Variants in E2F8 observed in about 807,000 individuals in gnomAD.
E2F8 encodes the protein E2F transcription factor 8.
Under a neutral mutation model 80.8 loss-of-function variants are expected in E2F8, and 35 were observed. The ratio of observed to expected loss-of-function variants is 0.43; its 90% CI spans 0.33 to 0.57. The LOEUF is 0.57. E2F8 is among the 20% of genes least tolerant of loss of function. The pLI, the probability that E2F8 is intolerant of heterozygous loss-of-function variation, is 0.04. For synonymous variants in E2F8, 386 were observed against 395.0 expected, an observed-to-expected ratio of 0.98 and a Z score of 0.27; for missense variants, 975 against 1,056.2, an observed-to-expected ratio of 0.92 and a Z score of 1.07.
At position 19,229,436 on chromosome 11, in the gene E2F8, G is replaced by C; in HGVS notation, c.1893+18C>G. The C allele has an allele frequency of 6.2e-7, 1 of 1,600,704 alleles. No homozygotes were observed. The highest frequency in any genetic ancestry group is 8.5e-7 in the Non-Finnish European group (1 of 1,173,854). ...TAGGGAATTCCTAAAGCTTTGTGCAGTTCAAGGCTGTACTTACTGCGGAGA... is the reference window on the plus strand; with the variant it reads ...TAGGGAATTCCTAAAGCTTTGTGCACTTCAAGGCTGTACTTACTGCGGAGA... On this transcript the variant is annotated intron_variant, in intron 10 of 12. Coordinates refer to ENST00000250024, the MANE Select transcript of E2F8 (RefSeq NM_024680.4). This position sits in a 1 kb window ranked among gnomAD's most constrained non-coding sequence, Gnocchi z 4.3.
rs924165322 is a variant in E2F8 at position 19,237,981 on chromosome 11, G to C, written c.167C>G (p.Pro56Arg). The change falls in exon 3 of 13, where the codon CCG (proline) becomes CGG (arginine). Residue 56 changes from proline (P) to arginine (R), a missense_variant. Physicochemically the swap from Pro to Arg is moderately radical, Grantham distance 103. Coordinates refer to ENST00000250024, the MANE Select transcript of E2F8 (RefSeq NM_024680.4). ...TTTCAGGTTGGCTGTCGGTGTCCAC[G>C]GCTCTCCCTGAGAGCCTTCCTTGGG... ...TKPKEGSQGE[P>R]WTPTANLKML... 1.2e-6 allele frequency: 2 copies of C among 1,614,144 alleles called. No homozygotes were observed. Among genetic ancestry groups the C allele is most frequent in the African/African-American group, 1.3e-5 (1 of 75,028 alleles).
intron 10 of E2F8, chr11:19,226,138 G>T (rs2133554155): frequency 2.4e-6 from 1 of 410,106 alleles, no homozygotes; most frequent in Non-Finnish European, 4.4e-6. Context: ...CTGCTTAGGG[G>T]TAAGGATTCA....
At chr11:19,225,926 GC>G in intron 10 of E2F8, 62 bp from the exon 11 acceptor site, 1 of 1,560,432 alleles carries the variant, frequency 6.4e-7, no homozygotes, top group Non-Finnish European at 8.7e-7. Flanking sequence ...ATGGCCACGT[GC>G]CTCTTTCAGG....
In E2F8 at chr11:19,225,095, T is replaced by G. The variant is rs1395321092; in HGVS notation, c.2421+126A>C. ...TGGGTTCTGGAAGAAACATAGGCCT[T>G]CAATCTCCTGACTTTCCCATCCTTT... On this transcript the variant is annotated intron_variant, in intron 12 of 12. Coordinates refer to ENST00000250024, the MANE Select transcript of E2F8 (RefSeq NM_024680.4). 2.9e-6 allele frequency: 4 copies of G among 1,386,586 alleles called. No homozygotes were observed. The African/African-American group carries it at 5.8e-5, about 20-fold the overall frequency. The allele number at this position is 1,386,586 out of a possible 1,614,324, so 85.9% of individuals were successfully genotyped here.
rs200475963 is a variant in E2F8, at chr11:19,224,493, G to GTATATA, written c.*164_*165insTATATA. 2 of 504,752 alleles carry GTATATA rather than the reference G, an allele frequency of 4.0e-6. No individual in the cohort carries two copies. The highest frequency in any genetic ancestry group is 6.9e-6 in the Non-Finnish European group (2 of 287,816). The allele number at this position is 504,752 out of a possible 1,614,324, so 31.3% of individuals were successfully genotyped here. A position where few individuals can be genotyped will look rare whatever the true frequency, so the allele number is the denominator to read the frequency against. ...TATGTGTGTGTGTGTGTGTGTGTGT[G>GTATATA]TGTGTATATATATATATGTATGAAA... On this transcript the variant is annotated 3_prime_UTR_variant, in exon 13 of 13. Transcript: ENST00000250024.
rs1851635248 is a variant in E2F8, at chr11:19,240,633, C to T, written c.-195G>A. The T allele has an allele frequency of 6.6e-6, 1 of 152,376 alleles. No homozygotes were observed. The highest frequency in any genetic ancestry group is 1.5e-5 in the Non-Finnish European group (1 of 68,158). The allele number at this position is 152,376 out of a possible 1,614,324, so 9.4% of individuals were successfully genotyped here. A position where few individuals can be genotyped will look rare whatever the true frequency, so the allele number is the denominator to read the frequency against. On this transcript the variant is annotated 5_prime_UTR_variant, in exon 1 of 13. Coordinates refer to ENST00000250024, the MANE Select transcript of E2F8 (RefSeq NM_024680.4). ...CGACCCCAAGTAACTGGGTACAAGT[C>T]TGCATCTAGATGCCTGGATTTCTCC...
At chr11:19,240,084 T>A in intron 2 of E2F8, 23 bp downstream of exon 2, 1 of 1,504,494 alleles carries the variant, frequency 6.6e-7, no homozygotes, top group Non-Finnish European at 8.9e-7. Flanking sequence ...ATTGCAATGA[T>A]GAATACTGAA....
intron 2 of E2F8, 83 bp downstream of exon 2, chr11:19,240,024 T>C (rs1392730847): frequency 8.6e-7 from 1 of 1,167,184 alleles, no homozygotes; most frequent in Non-Finnish European, 1.2e-6. Context: ...AGAAAACACA[T>C]TGGATAGGGA....
Position 19,240,140 on chromosome 11 carries a change from A to G in E2F8, c.-19T>C. ...TCTCCATTCTGTAAATTCCTCATAC[A>G]TTTAGAGTTTAAAAATGAAAAATCT... On this transcript the variant is annotated 5_prime_UTR_variant, in exon 2 of 13. The change abolishes an upstream ATG in the 5' untranslated region. Transcript: ENST00000250024. 1 of 1,492,426 alleles carries G rather than the reference A, an allele frequency of 6.7e-7. No homozygotes were observed. The highest frequency in any genetic ancestry group is 9.0e-7 in the Non-Finnish European group (1 of 1,112,262). 92.4% of individuals were successfully genotyped at this position (1,492,426 alleles called of 1,614,324 possible).
intron 12 of E2F8, 170 bp downstream of exon 12, chr11:19,225,051 A>G (rs924011488): frequency 7.1e-6 from 8 of 1,119,914 alleles, no homozygotes; most frequent in African/African-American, 6.2e-5. Flanking sequence ...AACAATATGG[A>G]TGCCTTGGAC....
At position 19,232,325 on chromosome 11, in the gene E2F8, C is replaced by T; in HGVS notation, c.975G>A (p.Leu325=). The part of the protein sequence containing the change: ...LYDIANVLSS[L]DLIKKVHVTE... ...TAACATGAACTTTCTTGATAAGATC[C>T]AGGCTACTCAGAACATTAGCTATAT... The change falls in exon 7 of 13, where the codon CTG becomes CTA. Residue 325 remains leucine, a synonymous_variant. Coordinates refer to ENST00000250024, the MANE Select transcript of E2F8 (RefSeq NM_024680.4). 1 of 1,614,100 alleles carries T rather than the reference C, an allele frequency of 6.2e-7. No individual in the cohort carries two copies. Among genetic ancestry groups the T allele is most frequent in the Non-Finnish European group, 8.5e-7 (1 of 1,180,012 alleles).
intron 10 of E2F8, among the ~76,000 whole-genome samples, chr11:19,227,749 G>C (rs1590122730): frequency 6.6e-6 from 1 of 152,226 alleles, no homozygotes; most frequent in East Asian, 1.9e-4. Context: ...ATTAACACAT[G>C]ACTCTCTCAT....
chr11:19,237,409 C>A lies in E2F8; in HGVS notation c.356G>T (p.Gly119Val), dbSNP rs752082607. 2 of 1,614,126 alleles carry A rather than the reference C, an allele frequency of 1.2e-6. No individual in the cohort carries two copies. Among genetic ancestry groups the A allele is most frequent in the Non-Finnish European group, 1.7e-6 (2 of 1,180,008 alleles). ...TGCTAAGAACTTATGACACAATAAT[C>A]CTAAACTTTTCTCTTTTCGACTTGG... is the stretch of plus-strand genomic sequence containing the variant. ...SQPSRKEKSLGLLCHKFLARY... is the reference protein window; with the variant it reads ...SQPSRKEKSLVLLCHKFLARY... Residue 119 changes from glycine (G) to valine (V), a missense_variant, in exon 4 of 13, where the codon GGA (glycine) becomes GTA (valine). Transcript: ENST00000250024.
intron 11 of E2F8, 47 bp downstream of exon 11, chr11:19,225,685 G>A: frequency 6.2e-7 from 1 of 1,611,968 alleles, no homozygotes; most frequent in Middle Eastern, 1.7e-4. Flanking sequence ...AGGCTTAAGT[G>A]AACTTGAGAC....
chr11:19,237,373 T>C lies in E2F8; in HGVS notation c.392A>G (p.Asn131Ser). ...LCHKFLARYP[N>S]YPNPAVNNDI... The stretch of plus-strand genomic sequence containing the variant: ...ATTATTCACAGCAGGGTTGGGATAA[T>C]TAGGATATCGTGCTAAGAACTTATG... Residue 131 changes from asparagine to serine, a missense_variant, in exon 4 of 13, where the codon AAT (asparagine) becomes AGT (serine). By Grantham distance (46) the Asn-to-Ser change is conservative (BLOSUM62 1). Transcript: ENST00000250024. 1 of 1,614,208 alleles carries C rather than the reference T, an allele frequency of 6.2e-7. No homozygotes were observed. Among genetic ancestry groups the C allele is most frequent in the South Asian group, 1.1e-5 (1 of 91,084 alleles).
intron 2 of E2F8, among the ~76,000 whole-genome samples, chr11:19,239,323 C>T (rs1484650140): frequency 6.6e-6 from 1 of 152,182 alleles, no homozygotes; most frequent in Non-Finnish European, 1.5e-5. Flanking sequence ...CCAACAGGAG[C>T]TCCTTGCCAG....
Position 19,225,398 on chromosome 11 carries a change from C to A in E2F8, c.2244G>T (p.Val748=). 1.9e-6 allele frequency: 3 copies of A among 1,614,180 alleles called. No homozygotes were observed. ...CAGACCCAGGGCTGGCAGACAACTG[C>A]ACATTGGGTGAGATGAGTCCCAGGT... is the stretch of plus-strand genomic sequence containing the variant. ...LQHLGLISPN[V]QLSASPGSGI... is the part of the protein sequence containing the mutation. Residue 748 remains valine, a synonymous_variant, in exon 12 of 13, where the codon GTG becomes GTT. Coordinates refer to ENST00000250024, the MANE Select transcript of E2F8 (RefSeq NM_024680.4).
intron 6 of E2F8, among the ~76,000 whole-genome samples, chr11:19,233,232 A>G (rs1851425580): frequency 6.6e-6 from 1 of 152,210 alleles, no homozygotes; most frequent in Non-Finnish European, 1.5e-5. Context: ...CCCTTCCTGC[A>G]AAGTCTGGTG....
At chr11:19,237,097 C>T (rs1851538201) in intron 4 of E2F8, among the ~76,000 whole-genome samples, 1 of 152,178 alleles carries the variant, frequency 6.6e-6, no homozygotes, top group African/African-American at 2.4e-5. Context: ...TCAGAAGCAA[C>T]CTCCATTGTG....
Sources: gnomAD v4.1 joint callset for allele counts (sites outside exome capture counted in the v4.1 genomes callset) on GRCh38, gnomAD v4.1.1 for gene constraint, Gnocchi (gnomAD v3.1) non-coding constraint, MANE v1.5 for transcripts, NCBI Gene and HGNC (gene_info 2026-07-23, HGNC 2026-07-21) for gene names.